Variants in TET1 observed in about 807,000 individuals in gnomAD.
The protein encoded by TET1 is methylcytosine dioxygenase TET1.
A neutral mutation model predicts 148.7 loss-of-function variants in TET1; 13 were observed. The observed-to-expected ratio is 0.09, with a 90% CI of 0.06 to 0.14. The LOEUF (loss-of-function observed/expected upper bound fraction) is 0.14, where lower values mean the gene tolerates loss of function less well. TET1 is among the 10% of genes least tolerant of loss of function. The probability of loss-of-function intolerance (pLI) is 1.00; values close to 1 mark genes in which losing one functional copy is unlikely to be tolerated. For missense variants in TET1, 2,182 were observed against 2,553.8 expected (o/e 0.85, Z 3.14); for synonymous variants, 907 against 937.2 (o/e 0.97, Z 0.59).
intron 3 of TET1, among the ~76,000 whole-genome samples, chr10:68,633,987 C>T (rs1316512224): frequency 6.6e-6 from 1 of 152,122 alleles, no homozygotes; most frequent in Non-Finnish European, 1.5e-5. Flanking sequence ...TGGGCTCAAG[C>T]GATTCTCCTG....
At chr10:68,579,318 A>G (rs2053766602) in intron 2 of TET1, among the ~76,000 whole-genome samples, 1 of 152,202 alleles carries the variant, frequency 6.6e-6, no homozygotes. Context: ...GATTACCCAA[A>G]ATAGAATATT....
At chr10:68,664,066 C>A (rs1021728590) in intron 6 of TET1, among the ~76,000 whole-genome samples, 1 of 151,984 alleles carries the variant, frequency 6.6e-6, no homozygotes, top group Non-Finnish European at 1.5e-5. Flanking sequence ...GTGTTGCAGT[C>A]TTGGCTCGCT....
chr10:68,624,658 TTCTCTCTCTCTCTC>T (rs201414722), intron 3 of TET1, among the ~76,000 whole-genome samples: 43 of 95,260 alleles, frequency 4.5e-4, no homozygotes, highest in Middle Eastern at 6.0e-3. Flanking sequence ...CTTTCTTTCT[TTCTCTCTCTCTCTC>T]TCTCTCTCTC....
At chr10:68,620,579 C>T (rs368979204) in intron 3 of TET1, among the ~76,000 whole-genome samples, 1 of 151,518 alleles carries the variant, frequency 6.6e-6, no homozygotes, top group Non-Finnish European at 1.5e-5. Flanking sequence ...TTGTACACCA[C>T]CCCCACCCCC....
At chr10:68,582,442 G>A (rs563533254) in intron 2 of TET1, among the ~76,000 whole-genome samples, 7 of 152,160 alleles carry the variant, frequency 4.6e-5, no homozygotes, top group East Asian at 1.9e-4. Flanking sequence ...TCATTACCAC[G>A]CTAGCCTCTT....
intron 6 of TET1, among the ~76,000 whole-genome samples, chr10:68,665,286 AC>A (rs2055182039): frequency 1.0e-5 from 1 of 99,810 alleles, no homozygotes; most frequent in Non-Finnish European, 1.9e-5. Context: ...ACACATACAC[AC>A]ACACACACAC....
chr10:68,663,874 C>T (rs1391576581), intron 6 of TET1, among the ~76,000 whole-genome samples: 3 of 152,114 alleles, frequency 2.0e-5, no homozygotes, highest in Admixed American at 6.5e-5. Context: ...TAGCAAAAAC[C>T]TCTATGGGGC....
chr10:68,664,693 T>C (rs868820913), intron 6 of TET1, among the ~76,000 whole-genome samples: 1 of 148,544 alleles, frequency 6.7e-6, no homozygotes, highest in Non-Finnish European at 1.5e-5. Context: ...TTTTTTTTTT[T>C]ACTCTGTTGC....
chr10:68,673,349 G>C, intron 8 of TET1: 1 of 283,460 alleles, frequency 3.5e-6, no homozygotes, highest in African/African-American at 2.3e-5. Flanking sequence ...GCCAAAATAG[G>C]AAAAACCCAT....
Position 68,691,212 on chromosome 10 carries a change from C to T in TET1, c.5809C>T (p.His1937Tyr), listed in dbSNP as rs1435269138. 2 of 1,614,182 alleles carry T rather than the reference C, an allele frequency of 1.2e-6. No homozygotes were observed. Among genetic ancestry groups the T allele is most frequent in the Non-Finnish European group, 8.5e-7 (1 of 1,180,034 alleles). ...TGGTGTGACTGAGCCGCTAACGCCT[C>T]ATCAGCCAAACCACCAGCCCTCCTT... ...STGVTEPLTP[H>Y]QPNHQPSFLT... The change falls in exon 12 of 12, where the codon CAT (histidine) becomes TAT (tyrosine). Residue 1937 changes from histidine (H) to tyrosine (Y), a missense_variant. This residue lies in a region of TET1 where 380 missense variants were observed against 387.9 expected (regional missense o/e 0.98). Transcript: ENST00000373644. This position sits in a 1 kb window ranked among gnomAD's most constrained non-coding sequence, Gnocchi z 4.4.
intron 1 of TET1, among the ~76,000 whole-genome samples, chr10:68,570,045 T>A (rs1324015576): frequency 1.3e-5 from 2 of 152,060 alleles, no homozygotes. Context: ...GGTACTGTGG[T>A]TTGGGGTGCA....
chr10:68,572,562 C>A lies in TET1; in HGVS notation c.224C>A (p.Thr75Lys). The A allele has an allele frequency of 6.2e-7, 1 of 1,614,132 alleles. No individual in the cohort carries two copies. The highest frequency in any genetic ancestry group is 8.5e-7 in the Non-Finnish European group (1 of 1,180,012). ...KPPVPVRSLL[T>K]RAGAARMNLD... ...CCCGTGCCAGTCAGAAGCCTTCTGA[C>A]AAGAGCTGGAGCAGCACGCATGAAT... Residue 75 changes from threonine to lysine, a missense_variant, in exon 2 of 12, where the codon ACA becomes AAA. Physicochemically the swap from Thr to Lys is moderately conservative, Grantham distance 78. Transcript: ENST00000373644.
At chr10:68,584,481 G>A (rs1385045386) in intron 2 of TET1, among the ~76,000 whole-genome samples, 2 of 151,898 alleles carry the variant, frequency 1.3e-5, no homozygotes, top group Non-Finnish European at 2.9e-5. Flanking sequence ...GTCCAGGGCT[G>A]GCAGATCACT....
chr10:68,561,797 C>G (rs1485749117), intron 1 of TET1, among the ~76,000 whole-genome samples: 1 of 150,324 alleles, frequency 6.7e-6, no homozygotes, highest in Non-Finnish European at 1.5e-5. Flanking sequence ...AGGGACTGGC[C>G]GACGCTGGTA....
intron 3 of TET1, among the ~76,000 whole-genome samples, chr10:68,624,273 G>A (rs188103885): frequency 6.8e-6 from 1 of 147,038 alleles, no homozygotes; most frequent in Non-Finnish European, 1.5e-5. Flanking sequence ...ATTCTTGTGT[G>A]TGTGTTTTTT....
intron 3 of TET1, 30 bp from the exon 4 acceptor site, chr10:68,644,668 G>A: frequency 1.3e-6 from 2 of 1,520,620 alleles, no homozygotes; most frequent in Non-Finnish European, 1.8e-6. Flanking sequence ...TATTTAAGTA[G>A]ATGACATAAG....
chr10:68,655,834 G>A (rs947702697), intron 6 of TET1, among the ~76,000 whole-genome samples: 1 of 152,122 alleles, frequency 6.6e-6, no homozygotes, highest in African/African-American at 2.4e-5. Flanking sequence ...TGAGCCATGG[G>A]CCAATAGGAA....
chr10:68,646,574 A>G lies in TET1; in HGVS notation c.3845A>G (p.Tyr1282Cys). The change falls in exon 4 of 12, where the codon TAT becomes TGT. Residue 1282 changes from tyrosine (Y) to cysteine (C), a missense_variant. Physicochemically the swap from Tyr to Cys is radical, Grantham distance 194 (BLOSUM62 -2). Coordinates refer to ENST00000373644, the MANE Select transcript of TET1 (RefSeq NM_030625.3). ...SNGKAFTDKA[Y>C]NSQVQLTVNA... ...GGGAAGGCATTCACTGATAAAGCTT[A>G]TAATTCTCAGGTACAGTTAACGGTG... The G allele has an allele frequency of 6.2e-7, 1 of 1,614,196 alleles. No homozygotes were observed. Among genetic ancestry groups the G allele is most frequent in the Non-Finnish European group, 8.5e-7 (1 of 1,180,044 alleles).
chr10:68,630,234 G>A (rs1564979023), intron 3 of TET1, among the ~76,000 whole-genome samples: 1 of 152,142 alleles, frequency 6.6e-6, no homozygotes, highest in Admixed American at 6.6e-5. Flanking sequence ...GGAGCCTTGG[G>A]TTATTATTAA....
Sources: gnomAD v4.1 joint callset for allele counts (sites outside exome capture counted in the v4.1 genomes callset) on GRCh38, gnomAD v4.1.1 for gene constraint, gnomAD v4.1.1 regional missense constraint, Gnocchi (gnomAD v3.1) non-coding constraint, MANE v1.5 for transcripts, NCBI Gene and HGNC (gene_info 2026-07-23, HGNC 2026-07-21) for gene names.